Variants in FYN observed in about 807,000 individuals in gnomAD.
FYN encodes FYN proto-oncogene, Src family tyrosine kinase.
Under a neutral mutation model 70.2 loss-of-function variants are expected in FYN, and 10 were observed. The ratio of observed to expected loss-of-function variants is 0.14; its 90% CI spans 0.09 to 0.24. FYN has a LOEUF of 0.24. Ranked by LOEUF, FYN falls within the 10% of genes least tolerant of loss-of-function variation. The pLI is 1.00. For synonymous variants in FYN, 236 were observed against 248.6 expected (o/e 0.95, Z 0.48); for missense variants, 319 against 673.1 (o/e 0.47, Z 5.82).
chr6:111,746,553 T>C (rs1562502518), intron 3 of FYN, among the ~76,000 whole-genome samples: 1 of 152,248 alleles, frequency 6.6e-6, no homozygotes, highest in Non-Finnish European at 1.5e-5. Flanking sequence ...TATAGTAGCT[T>C]TTATTGCCTA....
At chr6:111,838,638 A>G (rs1475361610) in intron 2 of FYN, among the ~76,000 whole-genome samples, 7 of 152,240 alleles carry the variant, frequency 4.6e-5, no homozygotes, top group African/African-American at 1.7e-4. Context: ...TTGAAAGGAG[A>G]TAGTTAATTA....
At chr6:111,680,460 G>A (rs762495276) in intron 12 of FYN, among the ~76,000 whole-genome samples, 5 of 152,354 alleles carry the variant, frequency 3.3e-5, no homozygotes, top group East Asian at 1.9e-4. Flanking sequence ...CATCCTAAGC[G>A]CAACAGAAAG....
rs1772492431 is a variant in FYN at position 111,816,457 on chromosome 6, C to T, written c.-82+30132G>A. On this transcript the variant is annotated intron_variant, in intron 2 of 13. Coordinates refer to ENST00000354650, the MANE Select transcript of FYN (RefSeq NM_002037.5). ...ACCTCTCACTGATTCTAACCTGACC[C>T]TGAAGAAGAAAATAAAAAAAGATCT... Among the ~76,000 whole-genome samples, 3 of 151,970 alleles carry T rather than the reference C, an allele frequency of 2.0e-5. No individual in the cohort carries two copies. The South Asian group carries it at 6.2e-4, about 32-fold the overall frequency.
chr6:111,790,574 C>T (rs1252264686), intron 2 of FYN, among the ~76,000 whole-genome samples: 3 of 152,172 alleles, frequency 2.0e-5, no homozygotes, highest in African/African-American at 4.8e-5. Context: ...GGGTTCCCTA[C>T]CAAGGACCTG....
In FYN at chr6:111,770,143, C is replaced by T. The variant is rs372009822; in HGVS notation, c.-12+10423G>A. ...GCCACACTGGGCACATTTCAAGTGGCTTGTACAAATTGAGATACGCTGTAA... is the reference window on the plus strand; with the variant it reads ...GCCACACTGGGCACATTTCAAGTGGTTTGTACAAATTGAGATACGCTGTAA... On this transcript the variant is annotated intron_variant, in intron 3 of 13. Transcript: ENST00000354650. 1.3e-4 allele frequency among the ~76,000 whole-genome samples: 20 copies of T among 152,238 alleles called. No homozygotes were observed. The East Asian group carries it at 2.9e-3, about 22-fold the overall frequency.
At chr6:111,811,415 G>A (rs1409537597) in intron 2 of FYN, among the ~76,000 whole-genome samples, 1 of 152,186 alleles carries the variant, frequency 6.6e-6, no homozygotes, top group Non-Finnish European at 1.5e-5. Context: ...TGCAAACACT[G>A]GACAATGTGG....
At chr6:111,802,186 G>A (rs1772007855) in intron 2 of FYN, among the ~76,000 whole-genome samples, 1 of 152,102 alleles carries the variant, frequency 6.6e-6, no homozygotes, top group Non-Finnish European at 1.5e-5. Flanking sequence ...ATGATAGTGA[G>A]TTCTCATGAG....
intron 3 of FYN, among the ~76,000 whole-genome samples, chr6:111,735,573 C>G (rs1209092557): frequency 6.6e-6 from 1 of 152,170 alleles, no homozygotes; most frequent in Non-Finnish European, 1.5e-5. Context: ...CATTATACAA[C>G]TGATACTTAT....
rs554746986 is a variant in FYN at position 111,863,616 on chromosome 6, T to C, written c.-123+9352A>G. ...TAATTTTCCATTAAAGCCCTACTTT[T>C]CAATATAAAGCAGATGGAATCCTTA... On this transcript the variant is annotated intron_variant, in intron 1 of 13. Transcript: ENST00000354650. Among the ~76,000 whole-genome samples the C allele has an allele frequency of 3.3e-5, 5 of 152,274 alleles. No individual in the cohort carries two copies. In the South Asian group the frequency reaches 1.0e-3, roughly 32 times the overall value.
At chr6:111,863,019 G>T (rs1188892778) in intron 1 of FYN, among the ~76,000 whole-genome samples, 1 of 152,220 alleles carries the variant, frequency 6.6e-6, no homozygotes, top group South Asian at 2.1e-4. Context: ...AAGGAAGAAC[G>T]TAGATACTAC....
At chr6:111,696,911 G>A (rs1420713246) in intron 9 of FYN, 1 of 152,452 alleles carries the variant, frequency 6.6e-6, no homozygotes, top group African/African-American at 2.4e-5. Flanking sequence ...CACCACATGA[G>A]GATGTCTGGA....
intron 2 of FYN, among the ~76,000 whole-genome samples, chr6:111,832,189 G>A (rs1412363618): frequency 6.6e-6 from 1 of 152,194 alleles, no homozygotes; most frequent in Non-Finnish European, 1.5e-5. Context: ...AGTCCCTGGG[G>A]AGTTTTCTGG....
Position 111,826,580 on chromosome 6 carries a change from C to T in FYN, c.-82+20009G>A, listed in dbSNP as rs377199358. Among the ~76,000 whole-genome samples, 156 of 152,290 alleles carry T rather than the reference C, an allele frequency of 1.0e-3. 4 individuals carry two copies. In the South Asian group the frequency reaches 0.03, roughly 30 times the overall value. ...TAGCCCCCACTCCCTTAATGACATA[C>T]TTGATCTTCTAGTAACTCATAATGG... On this transcript the variant is annotated intron_variant, in intron 2 of 13. Transcript: ENST00000354650.
At chr6:111,749,403 T>C (rs1583403117) in intron 3 of FYN, among the ~76,000 whole-genome samples, 1 of 152,358 alleles carries the variant, frequency 6.6e-6, no homozygotes, top group Non-Finnish European at 1.5e-5. Flanking sequence ...GAGTGGGTTT[T>C]ACTTGACAAG....
In FYN at chr6:111,719,785, CTG is replaced by C. The variant is rs1197492658; in HGVS notation, c.247+18_247+19del. On this transcript the variant is annotated intron_variant, in intron 4 of 13. Coordinates refer to ENST00000354650, the MANE Select transcript of FYN (RefSeq NM_002037.5). ...AGGGTGGCTGCCCCCTCTCTGCACT[CTG>C]TGACTTTGGGGGCTTACCTGTTCCT... is the stretch of plus-strand genomic sequence containing the variant. 2 of 1,611,816 alleles carry C rather than the reference CTG, an allele frequency of 1.2e-6. No individual in the cohort carries two copies. The highest frequency in any genetic ancestry group is 3.3e-5 in the Admixed American group (2 of 59,982).
At chr6:111,689,442 C>T (rs1799204884) in intron 12 of FYN, among the ~76,000 whole-genome samples, 1 of 152,188 alleles carries the variant, frequency 6.6e-6, no homozygotes, top group Non-Finnish European at 1.5e-5. Context: ...CCTGTAATTA[C>T]CAATTCCACT....
chr6:111,847,148 C>T (rs1207219377), intron 1 of FYN, among the ~76,000 whole-genome samples: 2 of 152,248 alleles, frequency 1.3e-5, no homozygotes, highest in Admixed American at 6.5e-5. Context: ...TGGTTCCCAG[C>T]AGCTGGGGTT....
intron 1 of FYN, among the ~76,000 whole-genome samples, chr6:111,859,897 T>C (rs1273583540): frequency 6.6e-6 from 1 of 152,196 alleles, no homozygotes; most frequent in Non-Finnish European, 1.5e-5. Flanking sequence ...GAATATCCCA[T>C]ATTAGGGCTG....
At chr6:111,696,180 G>C in intron 10 of FYN, 97 bp downstream of exon 10, 1 of 1,102,512 alleles carries the variant, frequency 9.1e-7, no homozygotes, top group Non-Finnish European at 1.2e-6. Flanking sequence ...GACCCAGGCA[G>C]AAACTAGAAA....
Sources: gnomAD v4.1 joint callset for allele counts (sites outside exome capture counted in the v4.1 genomes callset) on GRCh38, gnomAD v4.1.1 for gene constraint, MANE v1.5 for transcripts, NCBI Gene and HGNC (gene_info 2026-07-23, HGNC 2026-07-21) for gene names.